LARP1B: variants seen among roughly 807,000 people sequenced by gnomAD.
The protein encoded by LARP1B is La ribonucleoprotein 1B.
A neutral mutation model predicts 114.2 loss-of-function variants in LARP1B; 76 were observed. The ratio of observed to expected loss-of-function variants is 0.67; its 90% CI spans 0.55 to 0.81. The LOEUF (loss-of-function observed/expected upper bound fraction) is 0.81, where lower values mean the gene tolerates loss of function less well. Among genes scored for constraint, LARP1B ranks in the 30% least tolerant of loss-of-function variants. The pLI is 0.00. For synonymous variants in LARP1B, 345 were observed against 348.0 expected, an observed-to-expected ratio of 0.99 and a Z score of 0.10; for missense variants, 1,014 against 1,075.8, an observed-to-expected ratio of 0.94 and a Z score of 0.80.
intron 11 of LARP1B, among the ~76,000 whole-genome samples, chr4:128,153,086 G>A (rs1256999609): frequency 6.9e-6 from 1 of 144,782 alleles, no homozygotes; most frequent in South Asian, 2.2e-4. Flanking sequence ...GGGTTCAAGC[G>A]ATTCTCCTGT....
At chr4:128,133,861 C>T (rs989352635) in intron 11 of LARP1B, among the ~76,000 whole-genome samples, 2 of 151,808 alleles carry the variant, frequency 1.3e-5, no homozygotes, top group Non-Finnish European at 2.9e-5. Context: ...CATGCCCGAC[C>T]ATTGTTTGTA....
intron 5 of LARP1B, among the ~76,000 whole-genome samples, chr4:128,086,822 A>G (rs917630054): frequency 2.0e-5 from 3 of 151,432 alleles, no homozygotes; most frequent in African/African-American, 7.3e-5. Flanking sequence ...TTTTTTTGAG[A>G]CAAAGCCTCA....
At chr4:128,116,377 T>C (rs998688029) in intron 10 of LARP1B, among the ~76,000 whole-genome samples, 10 of 152,236 alleles carry the variant, frequency 6.6e-5, no homozygotes, top group Non-Finnish European at 1.5e-4. Flanking sequence ...ATCTCTATTA[T>C]TTCTTACAAC....
chr4:128,222,529 T>C, exon 8 of LARP1B: 1 of 304,668 alleles, frequency 3.3e-6, no homozygotes, highest in Non-Finnish European at 6.8e-6. Flanking sequence ...GTTTACTTTT[T>C]TTCTGCCCTG....
intron 11 of LARP1B, chr4:128,123,643 G>C: frequency 1.6e-6 from 1 of 634,092 alleles, no homozygotes; most frequent in Non-Finnish European, 2.0e-6. Flanking sequence ...AATAGTTTCT[G>C]GCACAAAGAA....
chr4:128,107,029 A>T, intron 8 of LARP1B, 110 bp from the exon 9 acceptor site: 1 of 814,904 alleles, frequency 1.2e-6, no homozygotes, highest in Non-Finnish European at 2.0e-6. Flanking sequence ...TTAGAATCTT[A>T]ACTGCAAATT....
chr4:128,062,592 C>CTTTTTTTTTTTTTTTTTTTT (rs10659836), intron 1 of LARP1B, among the ~76,000 whole-genome samples: 4 of 128,274 alleles, frequency 3.1e-5, no homozygotes, highest in African/African-American at 1.2e-4. Flanking sequence ...TTTTGGTAGA[C>CTTTTTTTTTTTTTTTTTTTT]TTTTTTTTTT....
At chr4:128,160,043 A>T (rs1312755655) in intron 11 of LARP1B, among the ~76,000 whole-genome samples, 1 of 152,258 alleles carries the variant, frequency 6.6e-6, no homozygotes, top group Non-Finnish European at 1.5e-5. Context: ...GTAGACAAAT[A>T]TAGTAAATAT....
intron 15 of LARP1B, among the ~76,000 whole-genome samples, chr4:128,189,143 A>G (rs1751345480): frequency 6.6e-6 from 1 of 151,788 alleles, no homozygotes; most frequent in Admixed American, 6.6e-5. Flanking sequence ...CTCTAGATTT[A>G]TTAATGTTTA....
intron 1 of LARP1B, chr4:128,062,021 C>T (rs914002586): frequency 1.0e-5 from 10 of 985,014 alleles, no homozygotes; most frequent in Non-Finnish European, 1.1e-5. Flanking sequence ...GCCACCGCCG[C>T]CGCCGTCGCC....
At chr4:128,111,345 C>T (rs1784049395) in intron 9 of LARP1B, among the ~76,000 whole-genome samples, 1 of 152,134 alleles carries the variant, frequency 6.6e-6, no homozygotes, top group Non-Finnish European at 1.5e-5. Flanking sequence ...CCAAGCCCAG[C>T]TCTTCATCTA....
chr4:128,062,592 C>CT (rs10659836), intron 1 of LARP1B, among the ~76,000 whole-genome samples: 3,936 of 128,238 alleles, frequency 0.031, 101 homozygotes, highest in African/African-American at 0.043. Context: ...TTTTGGTAGA[C>CT]TTTTTTTTTT....
intron 17 of LARP1B, 95 bp from the exon 18 acceptor site, chr4:128,206,333 T>C (rs555917889): frequency 1.6e-6 from 1 of 644,700 alleles, no homozygotes; most frequent in African/African-American, 1.9e-5. Context: ...TTTTATTTTT[T>C]GTTTAGGATT....
At chr4:128,167,185 G>A (rs1468565467) in intron 12 of LARP1B, among the ~76,000 whole-genome samples, 1 of 151,648 alleles carries the variant, frequency 6.6e-6, no homozygotes, top group African/African-American at 2.4e-5. Flanking sequence ...AGTGCAGATA[G>A]ATATCTTTCT....
intron 9 of LARP1B, among the ~76,000 whole-genome samples, chr4:128,113,075 CAA>C (rs773754637): frequency 1.4e-4 from 22 of 152,004 alleles, no homozygotes; most frequent in Non-Finnish European, 2.8e-4. Context: ...TTTAACTTCT[CAA>C]TATTTTCAGT....
In LARP1B at chr4:128,066,861, A is replaced by G. The variant is rs1272972141; in HGVS notation, c.-78+5460A>G. On this transcript the variant is annotated intron_variant, in intron 1 of 19. Coordinates refer to ENST00000326639, the MANE Select transcript of LARP1B (RefSeq NM_018078.4). ...ACCCAGGCAGGAGTGCAATGGCGCG[A>G]TCTTGGCTCACTGCAACCCCCCACC... Among the ~76,000 whole-genome samples the G allele has an allele frequency of 2.1e-5, 3 of 145,652 alleles. 1 individual carries two copies. Among genetic ancestry groups the G allele is most frequent in the African/African-American group, 7.7e-5 (3 of 38,962 alleles).
chr4:128,092,927 A>G, intron 7 of LARP1B: 1 of 985,438 alleles, frequency 1.0e-6, no homozygotes, highest in Middle Eastern at 5.2e-4. Context: ...ACTCCATGTC[A>G]GGATAATCGG....
At chr4:128,079,092 CTTTT>C (rs75874776) in intron 4 of LARP1B, among the ~76,000 whole-genome samples, 2 of 142,258 alleles carry the variant, frequency 1.4e-5, no homozygotes, top group African/African-American at 2.7e-5. Context: ...AATAGTTTGT[CTTTT>C]TTTTTTTTTT....
chr4:128,214,501 C>G (rs371911183), downstream of LARP1B, among the ~76,000 whole-genome samples: 2,644 of 152,132 alleles, frequency 0.017, 62 homozygotes, highest in East Asian at 0.1. Flanking sequence ...GACCCCTGAC[C>G]CCCGAGCAGC....
Sources: allele counts gnomAD v4.1 joint callset (sites outside exome capture counted in the v4.1 genomes callset), GRCh38; gene constraint gnomAD v4.1.1; transcripts MANE v1.5; gene names NCBI Gene and HGNC (gene_info 2026-07-23, HGNC 2026-07-21).